Variants in PCDHGB7 observed in about 807,000 individuals in gnomAD.
The protein encoded by PCDHGB7 is protocadherin gamma-B7.
PCDHGB7 carries 37 observed loss-of-function variants against 61.4 expected under a neutral mutation model. The ratio of observed to expected loss-of-function variants is 0.60; its 90% CI spans 0.46 to 0.79. The LOEUF (loss-of-function observed/expected upper bound fraction) is 0.79, where lower values mean the gene tolerates loss of function less well. PCDHGB7 is among the 30% of genes least tolerant of loss of function. The pLI is 0.00. For synonymous variants in PCDHGB7, 464 were observed against 503.5 expected, an observed-to-expected ratio of 0.92 and a Z score of 1.05; for missense variants, 1,166 against 1,202.5, an observed-to-expected ratio of 0.97 and a Z score of 0.45.
chr5:141,431,984 G>A lies in PCDHGB7; in HGVS notation c.2415+11710G>A, dbSNP rs758365921. 2 of 1,614,220 alleles carry A rather than the reference G, an allele frequency of 1.2e-6. No individual in the cohort carries two copies. The highest frequency in any genetic ancestry group is 2.2e-5 in the South Asian group (2 of 91,086). On this transcript the variant is annotated intron_variant, in intron 1 of 3. Transcript: ENST00000398594. The surrounding 1 kb of genome is among the most constrained non-coding windows in gnomAD (Gnocchi z 4.8). ...TTACTATAGTTTAGTCACAGACATAGTCTTGGATAGGGAACAGGTTCCTAG... is the reference window on the plus strand; with the variant it reads ...TTACTATAGTTTAGTCACAGACATAATCTTGGATAGGGAACAGGTTCCTAG...
chr5:141,506,216 T>A (rs2237080), intron 3 of PCDHGB7, among the ~76,000 whole-genome samples: 78,167 of 151,604 alleles, frequency 0.52, 20,820 homozygotes, highest in African/African-American at 0.63. Flanking sequence ...TTTGGGAAGC[T>A]GAGGCAGGAG....
chr5:141,432,569 C>T lies in PCDHGB7; in HGVS notation c.2415+12295C>T. The T allele has an allele frequency of 6.2e-7, 1 of 1,613,920 alleles. No homozygotes were observed. On this transcript the variant is annotated intron_variant, in intron 1 of 3. Coordinates refer to ENST00000398594, the MANE Select transcript of PCDHGB7 (RefSeq NM_018927.4). This position sits in a 1 kb window ranked among gnomAD's most constrained non-coding sequence, Gnocchi z 6.0. ...CAGAGACTCCGGCCAGAACGCCTGG[C>T]TGTCCTACCGTCTGCTCAAGGCCAG...
At chr5:141,499,007 AG>A (rs2099788320) in intron 2 of PCDHGB7, among the ~76,000 whole-genome samples, 1 of 151,128 alleles carries the variant, frequency 6.6e-6, no homozygotes, top group Non-Finnish European at 1.5e-5. Flanking sequence ...GAAGGAAGGA[AG>A]GAAGGAAGGA....
At chr5:141,448,488 C>A (rs568050769) in intron 1 of PCDHGB7, among the ~76,000 whole-genome samples, 1 of 152,280 alleles carries the variant, frequency 6.6e-6, no homozygotes, top group African/African-American at 2.4e-5. Context: ...TTCCTCCTGT[C>A]CCCTGTAGGT....
intron 1 of PCDHGB7, among the ~76,000 whole-genome samples, chr5:141,452,815 A>G (rs1199990390): frequency 6.6e-6 from 1 of 152,186 alleles, no homozygotes; most frequent in Admixed American, 6.5e-5. Flanking sequence ...TTTGTTCATA[A>G]GAAGCAAAAT....
At position 141,417,855 on chromosome 5, in the gene PCDHGB7, G is replaced by A; in HGVS notation, c.-5G>A. 1 of 1,544,918 alleles carries A rather than the reference G, an allele frequency of 6.5e-7. No homozygotes were observed. Reference sequence around the variant, plus strand: ...GCGGGGACCCAGCGAGAACCCGAGCGAACGATGGGAGGGAGCTGCGCGCAG... The same window carrying A: ...GCGGGGACCCAGCGAGAACCCGAGCAAACGATGGGAGGGAGCTGCGCGCAG... On this transcript the variant is annotated 5_prime_UTR_variant, in exon 1 of 4. Coordinates refer to ENST00000398594, the MANE Select transcript of PCDHGB7 (RefSeq NM_018927.4).
intron 1 of PCDHGB7, among the ~76,000 whole-genome samples, chr5:141,451,067 A>G (rs948528671): frequency 6.6e-6 from 1 of 151,848 alleles, no homozygotes; most frequent in African/African-American, 2.4e-5. Flanking sequence ...TGACCTTGTG[A>G]TCCACCCACC....
intron 1 of PCDHGB7, chr5:141,440,036 A>T (rs540100930): frequency 6.5e-6 from 1 of 153,058 alleles, no homozygotes; most frequent in Non-Finnish European, 1.5e-5. Context: ...TGTCGAGGAC[A>T]TGCCCACTTG....
In PCDHGB7 at chr5:141,487,265, G is replaced by A; in HGVS notation, c.2416-7542G>A. 2 of 1,614,158 alleles carry A rather than the reference G, an allele frequency of 1.2e-6. 1 individual carries two copies. Among genetic ancestry groups the A allele is most frequent in the South Asian group, 2.2e-5 (2 of 91,084 alleles). On this transcript the variant is annotated intron_variant, in intron 1 of 3. Transcript: ENST00000398594. The surrounding 1 kb of genome is among the most constrained non-coding windows in gnomAD (Gnocchi z 5.0). Reference sequence around the variant, plus strand: ...AACCCTCTACTTGGCTGTGTCCCTAGTGGCAATTTGCTTTGTCTCCTTTGG... The same window carrying A: ...AACCCTCTACTTGGCTGTGTCCCTAATGGCAATTTGCTTTGTCTCCTTTGG...
rs761227475 is a variant in PCDHGB7 at position 141,489,382 on chromosome 5, G to A, written c.2416-5425G>A. 4 of 1,613,872 alleles carry A rather than the reference G, an allele frequency of 2.5e-6. No homozygotes were observed. The highest frequency in any genetic ancestry group is 1.7e-5 in the Admixed American group (1 of 60,006). On this transcript the variant is annotated intron_variant, in intron 1 of 3. Coordinates refer to ENST00000398594, the MANE Select transcript of PCDHGB7 (RefSeq NM_018927.4). The surrounding 1 kb of genome is among the most constrained non-coding windows in gnomAD (Gnocchi z 4.5). ...TGAGCCGGGGACGCTGGTGGGGAATGTTGCTCAGGATCTGGGCTTAAAGAT... is the reference window on the plus strand; with the variant it reads ...TGAGCCGGGGACGCTGGTGGGGAATATTGCTCAGGATCTGGGCTTAAAGAT...
chr5:141,511,560 TC>T lies in PCDHGB7; in HGVS notation c.*390del. ...CCACCCCACTCCAACAGTTCCTCTT[TC>T]CCGAGTAAGGTGGTTGGGGTGTTGA... On this transcript the variant is annotated 3_prime_UTR_variant, in exon 4 of 4. Transcript: ENST00000398594. 3.3e-6 allele frequency: 1 copy of T among 298,990 alleles called. No individual in the cohort carries two copies. The highest frequency in any genetic ancestry group is 3.7e-5 in the South Asian group (1 of 27,250). The allele number at this position is 298,990 out of a possible 1,614,324, so 18.5% of individuals were successfully genotyped here. A position where few individuals can be genotyped will look rare whatever the true frequency, so the allele number is the denominator to read the frequency against.
intron 1 of PCDHGB7, among the ~76,000 whole-genome samples, chr5:141,447,725 C>T (rs1009407606): frequency 1.3e-5 from 2 of 152,174 alleles, no homozygotes; most frequent in African/African-American, 4.8e-5. Context: ...TTTTCCAAAA[C>T]TCATTGAACT....
chr5:141,465,430 C>T (rs1212434943), intron 1 of PCDHGB7, among the ~76,000 whole-genome samples: 2 of 152,150 alleles, frequency 1.3e-5, no homozygotes, highest in Non-Finnish European at 2.9e-5. Context: ...AAGGTGGGCA[C>T]TTAATGATTA....
In PCDHGB7 at chr5:141,485,068, T is replaced by C; in HGVS notation, c.2416-9739T>C. On this transcript the variant is annotated intron_variant, in intron 1 of 3. Transcript: ENST00000398594. The surrounding 1 kb of genome is among the most constrained non-coding windows in gnomAD (Gnocchi z 5.7). ...GGCGCCGGCCGAACCGCGCCAGAGCTGGCGCGGGGAAAGGGAGATAGGTGT... is the reference window on the plus strand; with the variant it reads ...GGCGCCGGCCGAACCGCGCCAGAGCCGGCGCGGGGAAAGGGAGATAGGTGT... 1 of 896,972 alleles carries C rather than the reference T, an allele frequency of 1.1e-6. No homozygotes were observed. The highest frequency in any genetic ancestry group is 1.6e-5 in the South Asian group (1 of 61,812). The allele number at this position is 896,972 out of a possible 1,614,324, so 55.6% of individuals were successfully genotyped here. A position where few individuals can be genotyped will look rare whatever the true frequency, so the allele number is the denominator to read the frequency against.
Position 141,420,229 on chromosome 5 carries a change from C to A in PCDHGB7, c.2370C>A (p.Ser790Arg), listed in dbSNP as rs1206296211. 1 of 1,600,344 alleles carries A rather than the reference C, an allele frequency of 6.2e-7. No homozygotes were observed. Among genetic ancestry groups the A allele is most frequent in the South Asian group, 1.1e-5 (1 of 89,484 alleles). The change falls in exon 1 of 4, where the codon AGC becomes AGA. Residue 790 changes from serine (S) to arginine (R), a missense_variant. Ser to Arg is a moderately radical substitution (Grantham distance 110). Coordinates refer to ENST00000398594, the MANE Select transcript of PCDHGB7 (RefSeq NM_018927.4). ...ACAAAGATAGCATGCTACTGGCTAG[C>A]ATTTTAACTCCCAGCGTTGAAGCAG... is the stretch of plus-strand genomic sequence containing the variant. ...NLNKDSMLLA[S>R]ILTPSVEADK...
Position 141,489,653 on chromosome 5 carries a change from G to C in PCDHGB7, c.2416-5154G>C. ...TCTCCTAGCTTTGCCACCCCTGAGCGAGAGATGCGCATCTCAGAATCAGCA... is the reference window on the plus strand; with the variant it reads ...TCTCCTAGCTTTGCCACCCCTGAGCCAGAGATGCGCATCTCAGAATCAGCA... On this transcript the variant is annotated intron_variant, in intron 1 of 3. Coordinates refer to ENST00000398594, the MANE Select transcript of PCDHGB7 (RefSeq NM_018927.4). The surrounding 1 kb of genome is among the most constrained non-coding windows in gnomAD (Gnocchi z 4.5). 3 of 1,614,164 alleles carry C rather than the reference G, an allele frequency of 1.9e-6. No individual in the cohort carries two copies. The highest frequency in any genetic ancestry group is 2.5e-6 in the Non-Finnish European group (3 of 1,180,018).
chr5:141,489,364 G>A lies in PCDHGB7; in HGVS notation c.2416-5443G>A, dbSNP rs2099686163. On this transcript the variant is annotated intron_variant, in intron 1 of 3. Coordinates refer to ENST00000398594, the MANE Select transcript of PCDHGB7 (RefSeq NM_018927.4). The surrounding 1 kb of genome is among the most constrained non-coding windows in gnomAD (Gnocchi z 4.5). The stretch of plus-strand genomic sequence containing the variant: ...CTCAGTGGTGGAGGAGTCTGAGCCG[G>A]GGACGCTGGTGGGGAATGTTGCTCA... 1 of 1,613,450 alleles carries A rather than the reference G, an allele frequency of 6.2e-7. No homozygotes were observed. The highest frequency in any genetic ancestry group is 1.1e-5 in the South Asian group (1 of 91,042).
rs1373678836 is a variant in PCDHGB7, at chr5:141,477,459, C to T, written c.2416-17348C>T. 6.2e-7 allele frequency: 1 copy of T among 1,614,186 alleles called. No homozygotes were observed. The highest frequency in any genetic ancestry group is 8.5e-7 in the Non-Finnish European group (1 of 1,180,034). On this transcript the variant is annotated intron_variant, in intron 1 of 3. Coordinates refer to ENST00000398594, the MANE Select transcript of PCDHGB7 (RefSeq NM_018927.4). This position sits in a 1 kb window ranked among gnomAD's most constrained non-coding sequence, Gnocchi z 4.9. ...CTTACAATAGTGCGTGTTCAAGTGTCCGACATCAATGACAACCCTCCACAA... is the reference window on the plus strand; with the variant it reads ...CTTACAATAGTGCGTGTTCAAGTGTTCGACATCAATGACAACCCTCCACAA...
At chr5:141,470,815 G>A (rs891225908) in intron 1 of PCDHGB7, among the ~76,000 whole-genome samples, 1 of 151,980 alleles carries the variant, frequency 6.6e-6, no homozygotes, top group African/African-American at 2.4e-5. Flanking sequence ...AGCCTTCTGA[G>A]TAGTTAGGAC....
Sources: allele counts gnomAD v4.1 joint callset (sites outside exome capture counted in the v4.1 genomes callset), GRCh38; gene constraint gnomAD v4.1.1; non-coding constraint Gnocchi (gnomAD v3.1); transcripts MANE v1.5; gene names NCBI Gene and HGNC (gene_info 2026-07-23, HGNC 2026-07-21).